The following CUL2 variants were observed in gnomAD, a reference collection of about 807,000 sequenced individuals.
CUL2 encodes cullin 2, also known as cullin-2.
Under a neutral mutation model 110.2 loss-of-function variants are expected in CUL2, and 22 were observed. That is an observed-to-expected ratio of 0.20 (90% CI 0.14 to 0.28). The LOEUF (loss-of-function observed/expected upper bound fraction) is 0.28, where lower values mean the gene tolerates loss of function less well. CUL2 is among the 10% of genes least tolerant of loss of function. The pLI, the probability that CUL2 is intolerant of heterozygous loss-of-function variation, is 1.00. For missense variants in CUL2, 631 were observed against 905.5 expected (o/e 0.70, Z 3.89); for synonymous variants, 279 against 293.2 (o/e 0.95, Z 0.49).
intron 1 of CUL2, among the ~76,000 whole-genome samples, chr10:35,103,602 C>A (rs962550981): frequency 2.6e-5 from 4 of 151,928 alleles, no homozygotes; most frequent in African/African-American, 9.7e-5. Context: ...GGATTACAGG[C>A]GTGAGCCACC....
At chr10:35,037,837 C>T (rs867719081) in intron 9 of CUL2, among the ~76,000 whole-genome samples, 3 of 151,814 alleles carry the variant, frequency 2.0e-5, no homozygotes, top group East Asian at 1.9e-4. Context: ...AGCGGGACTC[C>T]GTCTCAAAAA....
At chr10:35,045,938 C>A (rs2085927439) in intron 6 of CUL2, among the ~76,000 whole-genome samples, 1 of 152,154 alleles carries the variant, frequency 6.6e-6, no homozygotes, top group Admixed American at 6.5e-5. Context: ...TTATTATCAT[C>A]ATTCCCTAGT....
intron 2 of CUL2, among the ~76,000 whole-genome samples, chr10:35,063,383 T>C (rs1248554427): frequency 6.6e-6 from 1 of 152,002 alleles, no homozygotes; most frequent in Non-Finnish European, 1.5e-5. Flanking sequence ...CAAAATAAGG[T>C]TTATATTAGA....
chr10:35,051,470 G>A (rs1208611614), intron 5 of CUL2, among the ~76,000 whole-genome samples: 5 of 151,720 alleles, frequency 3.3e-5, no homozygotes, highest in Admixed American at 6.6e-5. Flanking sequence ...AAAATTAGCC[G>A]GGCGAGGTGG....
At chr10:35,060,701 C>T (rs1414681439) in intron 4 of CUL2, among the ~76,000 whole-genome samples, 173 bp downstream of exon 4, 2 of 152,182 alleles carry the variant, frequency 1.3e-5, no homozygotes, top group Non-Finnish European at 2.9e-5. Flanking sequence ...CTCCTAAATA[C>T]CCACCTTACC....
At chr10:35,033,366 T>C in intron 10 of CUL2, 93 bp from the exon 11 acceptor site, 1 of 822,902 alleles carries the variant, frequency 1.2e-6, no homozygotes, top group Non-Finnish European at 2.0e-6. Flanking sequence ...AAATTTTTCC[T>C]CAAGGAAATT....
upstream of CUL2, among the ~76,000 whole-genome samples, chr10:35,094,574 A>C (rs1318965298): frequency 3.3e-5 from 5 of 152,186 alleles, no homozygotes; most frequent in African/African-American, 1.2e-4. Context: ...GAAAAGTTTG[A>C]GAACCACTGC....
At chr10:35,092,343 G>A (rs755461053), upstream of CUL2, among the ~76,000 whole-genome samples, 2 of 152,202 alleles carry the variant, frequency 1.3e-5, no homozygotes, top group Non-Finnish European at 2.9e-5. Context: ...GATCAAGACA[G>A]TGCCACCAAC....
rs776994717 is a variant in CUL2 at position 35,027,433 on chromosome 10, C to T, written c.1617+1377G>A. 5.3e-4 allele frequency among the ~76,000 whole-genome samples: 81 copies of T among 152,190 alleles called. 1 individual carries two copies. The highest frequency in any genetic ancestry group is 1.0e-3 in the Admixed American group (16 of 15,286). On this transcript the variant is annotated intron_variant, in intron 16 of 20. Transcript: ENST00000374749. ...TGCTGGGATTACAGGCGTGAGCCAC[C>T]GCGCCCGGCAACTTTAGATACTTCT...
chr10:35,099,763 T>C (rs187594154), intron 2 of CUL2, among the ~76,000 whole-genome samples: 1 of 151,984 alleles, frequency 6.6e-6, no homozygotes, highest in Non-Finnish European at 1.5e-5. Context: ...AATAAAAAAA[T>C]AAAATAGCTT....
intron 8 of CUL2, among the ~76,000 whole-genome samples, chr10:35,039,987 T>A (rs933516926): frequency 1.3e-5 from 2 of 152,042 alleles, no homozygotes; most frequent in Non-Finnish European, 2.9e-5. Flanking sequence ...ACCCCGTCTC[T>A]ACAAAAATAC....
At chr10:35,020,833 G>C (rs1238031270) in intron 17 of CUL2, among the ~76,000 whole-genome samples, 1 of 152,008 alleles carries the variant, frequency 6.6e-6, no homozygotes, top group African/African-American at 2.4e-5. Context: ...GAATTTTCAG[G>C]ATTTTTCTCA....
chr10:35,094,651 C>T (rs1359829983), upstream of CUL2, among the ~76,000 whole-genome samples: 2 of 152,144 alleles, frequency 1.3e-5, no homozygotes, highest in African/African-American at 4.8e-5. Flanking sequence ...TGTGATCGAG[C>T]GTGAAGGGTG....
At position 35,016,306 on chromosome 10, in the gene CUL2, A is replaced by G. The variant is rs750311435; in HGVS notation, c.1773T>C (p.Ser591=). 6.2e-7 allele frequency: 1 copy of G among 1,613,996 alleles called. No individual in the cohort carries two copies. Among genetic ancestry groups the G allele is most frequent in the South Asian group, 1.1e-5 (1 of 91,060 alleles). ...QMAVLLAFNN[S]ETVSYKELQD... is the part of the protein sequence containing the mutation. Reference sequence around the variant, plus strand: ...GAAGCTCTTTATAACTGACAGTTTCACTGTTGTTAAAGGCAAGAAGAACTG... The same window carrying G: ...GAAGCTCTTTATAACTGACAGTTTCGCTGTTGTTAAAGGCAAGAAGAACTG... The change falls in exon 18 of 21, where the codon AGT becomes AGC. Residue 591 remains serine (S), a synonymous_variant. Transcript: ENST00000374749.
intron 4 of CUL2, 44 bp from the exon 5 acceptor site, chr10:35,054,583 G>T: frequency 9.2e-7 from 1 of 1,090,576 alleles, no homozygotes; most frequent in Non-Finnish European, 1.3e-6. Flanking sequence ...GTTAAAGTCA[G>T]TAGGAAAGCA....
At chr10:35,028,727 C>T in intron 16 of CUL2, 83 bp downstream of exon 16, 1 of 896,210 alleles carries the variant, frequency 1.1e-6, no homozygotes, top group South Asian at 1.6e-5. Context: ...CCTTAAGACT[C>T]TGAAAAAATA....
chr10:35,021,442 T>C (rs571995301), intron 17 of CUL2, among the ~76,000 whole-genome samples: 92 of 149,746 alleles, frequency 6.1e-4, no homozygotes, highest in Middle Eastern at 3.4e-3. Flanking sequence ...TGTATATATA[T>C]ACACACACAC....
intron 6 of CUL2, among the ~76,000 whole-genome samples, chr10:35,045,838 T>C (rs2085925097): frequency 6.6e-6 from 1 of 152,208 alleles, no homozygotes; most frequent in South Asian, 2.1e-4. Context: ...ATCAAACCAT[T>C]ATGGTTTACC....
At chr10:35,079,903 GCTACTAAGTGA>G (rs2135034384) in intron 1 of CUL2, among the ~76,000 whole-genome samples, 1 of 152,284 alleles carries the variant, frequency 6.6e-6, no homozygotes, top group African/African-American at 2.4e-5. Context: ...AATCAAGACA[GCTACTAAGTGA>G]CTAATGGCAG....
Sources: allele counts gnomAD v4.1 joint callset (sites outside exome capture counted in the v4.1 genomes callset), GRCh38; gene constraint gnomAD v4.1.1; transcripts MANE v1.5; gene names NCBI Gene and HGNC (gene_info 2026-07-23, HGNC 2026-07-21).